CDK14: variants seen among roughly 807,000 people sequenced by gnomAD.
CDK14 encodes the protein cyclin dependent kinase 14, also known as cyclin-dependent kinase 14.
Under a neutral mutation model 60.7 loss-of-function variants are expected in CDK14, and 34 were observed. That is an observed-to-expected ratio of 0.56 (90% CI 0.43 to 0.75). The LOEUF (loss-of-function observed/expected upper bound fraction) is 0.75. Ranked by LOEUF, CDK14 falls within the 30% of genes least tolerant of loss-of-function variation. The pLI is 0.00. For missense variants in CDK14, 482 were observed against 564.1 expected (o/e 0.85, Z 1.47); for synonymous variants, 197 against 203.7 (o/e 0.97, Z 0.28).
At chr7:90,711,777 C>T (rs1802068185) in intron 2 of CDK14, among the ~76,000 whole-genome samples, 1 of 151,776 alleles carries the variant, frequency 6.6e-6, no homozygotes, top group Non-Finnish European at 1.5e-5. Flanking sequence ...TTAATCCTCT[C>T]CTTTTAAAAA....
At chr7:90,846,142 G>C (rs1354268678) in intron 5 of CDK14, among the ~76,000 whole-genome samples, 1 of 152,022 alleles carries the variant, frequency 6.6e-6, no homozygotes, top group East Asian at 1.9e-4. Context: ...TCCCATCTGT[G>C]ACTCTTCTTC....
intron 2 of CDK14, among the ~76,000 whole-genome samples, chr7:90,704,458 T>C (rs1012452983): frequency 6.6e-6 from 1 of 152,146 alleles, no homozygotes; most frequent in Non-Finnish European, 1.5e-5. Context: ...CATGTATGTG[T>C]GTTTATTAGA....
intron 10 of CDK14, among the ~76,000 whole-genome samples, chr7:91,001,162 T>C (rs1198631273): frequency 6.6e-6 from 1 of 152,146 alleles, no homozygotes; most frequent in East Asian, 1.9e-4. Context: ...TATGAAAAAA[T>C]GTTATCCCAA....
intron 2 of CDK14, among the ~76,000 whole-genome samples, chr7:90,633,382 G>A (rs1244084996): frequency 1.3e-5 from 2 of 152,096 alleles, no homozygotes; most frequent in East Asian, 1.9e-4. Flanking sequence ...TGTACCTCAT[G>A]GTAAAATTTC....
At chr7:90,724,977 T>G (rs1179239224) in intron 2 of CDK14, among the ~76,000 whole-genome samples, 1 of 152,160 alleles carries the variant, frequency 6.6e-6, no homozygotes, top group African/African-American at 2.4e-5. Context: ...CCTTGAGTCT[T>G]TTAAAAATAT....
At chr7:91,206,814 A>G (rs1360380428) in intron 14 of CDK14, among the ~76,000 whole-genome samples, 1 of 152,164 alleles carries the variant, frequency 6.6e-6, no homozygotes, top group African/African-American at 2.4e-5. Flanking sequence ...AATGGTCTGT[A>G]TGATGCTACA....
intron 2 of CDK14, among the ~76,000 whole-genome samples, chr7:90,704,772 TGTTAAACATTCA>T (rs1801861821): frequency 2.0e-5 from 3 of 152,202 alleles, no homozygotes; most frequent in Admixed American, 2.0e-4. Context: ...AAGACATGGC[TGTTAAACATTCA>T]GTTTAACAGA....
chr7:90,710,641 T>C (rs1223346266), intron 2 of CDK14: 1 of 749,584 alleles, frequency 1.3e-6, no homozygotes, highest in African/African-American at 1.9e-5. Context: ...CTTCGTGCAG[T>C]TCTGCGTGAA....
intron 2 of CDK14, among the ~76,000 whole-genome samples, chr7:90,704,420 A>C (rs1431376085): frequency 6.6e-6 from 1 of 152,210 alleles, no homozygotes; most frequent in Non-Finnish European, 1.5e-5. Flanking sequence ...TCAGCAATGT[A>C]GGGAATGCAG....
At chr7:90,669,877 A>C (rs950835958) in intron 2 of CDK14, among the ~76,000 whole-genome samples, 1 of 152,354 alleles carries the variant, frequency 6.6e-6, no homozygotes, top group Non-Finnish European at 1.5e-5. Flanking sequence ...TTGATATAGA[A>C]TAGATTGACA....
chr7:90,807,018 C>T lies in CDK14; in HGVS notation c.544+16366C>T, dbSNP rs764298493. Reference sequence around the variant, plus strand: ...CTGCAGCTCAAGGAGGCCTGCCTGCCTCTGTAGACTCCACCTCTGGGGGCA... The same window carrying T: ...CTGCAGCTCAAGGAGGCCTGCCTGCTTCTGTAGACTCCACCTCTGGGGGCA... On this transcript the variant is annotated intron_variant, in intron 5 of 14. Transcript: ENST00000380050. Among the ~76,000 whole-genome samples, 27 of 152,324 alleles carry T rather than the reference C, an allele frequency of 1.8e-4. No homozygotes were observed. The Middle Eastern group carries it at 0.014, about 77-fold the overall frequency.
At chr7:91,044,408 A>G (rs1218202794) in intron 10 of CDK14, among the ~76,000 whole-genome samples, 1 of 152,208 alleles carries the variant, frequency 6.6e-6, no homozygotes. Context: ...TGAAGCCTCC[A>G]GGTAGCAGGC....
chr7:90,726,457 G>A (rs1802636014), intron 2 of CDK14, 110 bp from the exon 3 acceptor site: 1 of 1,298,762 alleles, frequency 7.7e-7, no homozygotes, highest in African/African-American at 1.5e-5. Flanking sequence ...GGGCTTTTTG[G>A]GTATTTCCTG....
intron 9 of CDK14, among the ~76,000 whole-genome samples, chr7:90,961,759 G>A (rs566220488): frequency 6.6e-6 from 1 of 152,316 alleles, no homozygotes; most frequent in East Asian, 1.9e-4. Flanking sequence ...AGGGCATCCA[G>A]GAGATTGAAG....
At chr7:90,714,650 T>G (rs1270938222) in intron 2 of CDK14, among the ~76,000 whole-genome samples, 1 of 152,104 alleles carries the variant, frequency 6.6e-6, no homozygotes, top group Non-Finnish European at 1.5e-5. Context: ...GACCCATATA[T>G]GATTCTCTGA....
chr7:90,694,945 C>A (rs1392373954), intron 2 of CDK14, among the ~76,000 whole-genome samples: 1 of 152,098 alleles, frequency 6.6e-6, no homozygotes, highest in Non-Finnish European at 1.5e-5. Context: ...AGCTAAGCTG[C>A]TACTTCAACT....
At chr7:90,963,032 C>T (rs1341098918) in intron 9 of CDK14, among the ~76,000 whole-genome samples, 3 of 149,940 alleles carry the variant, frequency 2.0e-5, no homozygotes, top group Non-Finnish European at 3.0e-5. Context: ...TAACATACTG[C>T]CTGTGTCTTG....
chr7:91,078,297 G>A (rs542692504), intron 11 of CDK14, among the ~76,000 whole-genome samples: 5 of 152,242 alleles, frequency 3.3e-5, no homozygotes, highest in African/African-American at 4.8e-5. Flanking sequence ...TTTATAGAAC[G>A]TTATACGATT....
intron 2 of CDK14, among the ~76,000 whole-genome samples, chr7:90,718,203 C>T (rs1439779660): frequency 6.6e-6 from 1 of 151,760 alleles, no homozygotes; most frequent in Non-Finnish European, 1.5e-5. Flanking sequence ...CCAAAATGCC[C>T]AGGATGCCAC....
Sources: gnomAD v4.1 joint callset for allele counts (sites outside exome capture counted in the v4.1 genomes callset) on GRCh38, gnomAD v4.1.1 for gene constraint, MANE v1.5 for transcripts, NCBI Gene and HGNC (gene_info 2026-07-23, HGNC 2026-07-21) for gene names.